The following CDC42SE2 variants were observed in gnomAD, a reference collection of about 807,000 sequenced individuals.
The protein encoded by CDC42SE2 is CDC42 small effector protein 2.
CDC42SE2 carries 3 observed loss-of-function variants against 11.5 expected under a neutral mutation model. The ratio of observed to expected loss-of-function variants is 0.26; its 90% CI spans 0.12 to 0.67. The LOEUF is 0.67. Ranked by LOEUF, CDC42SE2 falls within the 30% of genes least tolerant of loss-of-function variation. The probability of loss-of-function intolerance (pLI) is 0.80; values close to 1 mark genes in which losing one functional copy is unlikely to be tolerated. For synonymous variants in CDC42SE2, 33 were observed against 34.8 expected, an observed-to-expected ratio of 0.95 and a Z score of 0.18; for missense variants, 82 against 106.8, an observed-to-expected ratio of 0.77 and a Z score of 1.02.
At chr5:131,257,448 G>A (rs1490612526) in intron 2 of CDC42SE2, among the ~76,000 whole-genome samples, 1 of 151,316 alleles carries the variant, frequency 6.6e-6, no homozygotes, top group Non-Finnish European at 1.5e-5. Flanking sequence ...GTGCTAGGAG[G>A]AAGTGGCAAG....
At chr5:131,339,464 C>G (rs1293342472) in intron 2 of CDC42SE2, among the ~76,000 whole-genome samples, 1 of 151,806 alleles carries the variant, frequency 6.6e-6, no homozygotes, top group Admixed American at 6.6e-5. Context: ...GACTAAGACA[C>G]TATAGTAGGT....
At chr5:131,240,699 A>C (rs4705886), upstream of CDC42SE2, among the ~76,000 whole-genome samples, 52,644 of 152,096 alleles carry the variant, frequency 0.35, 13,615 homozygotes, top group African/African-American at 0.73. Flanking sequence ...GTAAAAATAT[A>C]TGTTATATTC....
intron 1 of CDC42SE2, among the ~76,000 whole-genome samples, chr5:131,309,330 C>T (rs964145822): frequency 6.6e-6 from 1 of 151,680 alleles, no homozygotes; most frequent in African/African-American, 2.4e-5. Flanking sequence ...TTTTGATGTG[C>T]TGCTGGATTC....
upstream of CDC42SE2, chr5:131,263,742 C>T (rs986633584): frequency 2.6e-5 from 4 of 152,258 alleles, no homozygotes; most frequent in Non-Finnish European, 2.9e-5. Context: ...CCCCCACGCT[C>T]CCGCCCAGGT....
intron 2 of CDC42SE2, among the ~76,000 whole-genome samples, chr5:131,330,691 T>C (rs2149741257): frequency 6.6e-6 from 1 of 152,078 alleles, no homozygotes; most frequent in South Asian, 2.1e-4. Flanking sequence ...TATCCCACAA[T>C]GCACAGGACA....
At position 131,392,365 on chromosome 5, in the gene CDC42SE2, G is replaced by A. The variant is rs765249522; in HGVS notation, c.*1274G>A. On this transcript the variant is annotated 3_prime_UTR_variant, in exon 5 of 5. Coordinates refer to ENST00000505065, the MANE Select transcript of CDC42SE2 (RefSeq NM_001375635.1). The stretch of plus-strand genomic sequence containing the variant: ...GCATGCTTTATGAAGTTGTTGCTTC[G>A]GTAAGAGCCCATGGGATGCCAGAAA... The A allele has an allele frequency of 4.6e-5, 7 of 152,744 alleles. No homozygotes were observed. Among genetic ancestry groups the A allele is most frequent in the African/African-American group, 1.4e-4 (6 of 41,524 alleles). The allele number at this position is 152,744 out of a possible 1,614,324, so 9.5% of individuals were successfully genotyped here.
At chr5:131,299,106 A>C (rs1014450549) in intron 1 of CDC42SE2, among the ~76,000 whole-genome samples, 1 of 152,200 alleles carries the variant, frequency 6.6e-6, no homozygotes, top group African/African-American at 2.4e-5. Flanking sequence ...TGGGGTATCA[A>C]ATGGAAGAGG....
the CDC42SE2 span, among the ~76,000 whole-genome samples, chr5:131,225,133 A>G: frequency 1.3e-5 from 2 of 152,206 alleles, no homozygotes; most frequent in Non-Finnish European, 2.9e-5. Context: ...GCCCAGAGCC[A>G]GGGGAAGCCC....
At chr5:131,286,832 A>G (rs112430644) in intron 1 of CDC42SE2, among the ~76,000 whole-genome samples, 248 of 151,796 alleles carry the variant, frequency 1.6e-3, no homozygotes, top group African/African-American at 5.7e-3. Context: ...ATACATGTTA[A>G]TGGACTGTTT....
intron 3 of CDC42SE2, among the ~76,000 whole-genome samples, chr5:131,360,207 G>A (rs1474964268): frequency 5.9e-5 from 9 of 152,118 alleles, no homozygotes; most frequent in African/African-American, 1.4e-4. Context: ...TGCAACTTCC[G>A]CCTCCTGGGT....
chr5:131,226,307 CAGGAAAGCTCTAGGTTTGATAA>C, the CDC42SE2 span, among the ~76,000 whole-genome samples: 2 of 152,192 alleles, frequency 1.3e-5, no homozygotes, highest in Non-Finnish European at 2.9e-5. Context: ...TTTGAATAAG[CAGGAAAGCTCTAGGTTTGATAA>C]GCAGAAGTCT....
chr5:131,349,852 T>G (rs190143134), intron 2 of CDC42SE2, among the ~76,000 whole-genome samples: 7 of 152,310 alleles, frequency 4.6e-5, no homozygotes, highest in Admixed American at 4.6e-4. Flanking sequence ...AATAAAAAAT[T>G]TAATATACTA....
chr5:131,217,546 T>C, the CDC42SE2 span, among the ~76,000 whole-genome samples: 1 of 152,224 alleles, frequency 6.6e-6, no homozygotes. Flanking sequence ...GAAAAAATAT[T>C]GGACCATGTC....
intron 4 of CDC42SE2, among the ~76,000 whole-genome samples, chr5:131,386,331 C>T (rs1580791676): frequency 6.6e-6 from 1 of 152,224 alleles, no homozygotes; most frequent in East Asian, 1.9e-4. Context: ...TCCTGTTGTG[C>T]AGCCCGGTTC....
At chr5:131,356,518 C>T (rs1749552329) in intron 2 of CDC42SE2, among the ~76,000 whole-genome samples, 1 of 152,132 alleles carries the variant, frequency 6.6e-6, no homozygotes, top group Non-Finnish European at 1.5e-5. Flanking sequence ...ATTTTAAGAT[C>T]CATATATTTA....
intron 1 of CDC42SE2, among the ~76,000 whole-genome samples, chr5:131,266,893 G>A (rs376717161): frequency 2.9e-4 from 43 of 149,544 alleles, no homozygotes; most frequent in African/African-American, 1.0e-3. Flanking sequence ...ACTTGTAAAT[G>A]GTAATAGTGA....
At chr5:131,307,236 T>G in intron 1 of CDC42SE2, among the ~76,000 whole-genome samples, 1 of 106,432 alleles carries the variant, frequency 9.4e-6, no homozygotes, top group South Asian at 3.4e-4. Context: ...CCGACAACAG[T>G]CCCCAGAGTG....
intron 2 of CDC42SE2, among the ~76,000 whole-genome samples, chr5:131,350,607 T>TTG (rs753402237): frequency 0.032 from 4,569 of 141,742 alleles, 109 homozygotes; most frequent in African/African-American, 0.065. Flanking sequence ...AAAATTTATT[T>TTG]TGTGTGTGTG....
chr5:131,245,042 A>G (rs1450915498), upstream of CDC42SE2, among the ~76,000 whole-genome samples: 3 of 152,186 alleles, frequency 2.0e-5, no homozygotes, highest in Non-Finnish European at 4.4e-5. Context: ...TATGGGAGCA[A>G]ATCCACAAAC....
Sources: allele counts gnomAD v4.1 joint callset (sites outside exome capture counted in the v4.1 genomes callset), GRCh38; gene constraint gnomAD v4.1.1; transcripts MANE v1.5; gene names NCBI Gene and HGNC (gene_info 2026-07-23, HGNC 2026-07-21).